The following BTD variants were observed in gnomAD, a reference collection of about 807,000 sequenced individuals.
BTD encodes biocytinase.
A neutral mutation model predicts 17.7 loss-of-function variants in BTD; 13 were observed. That is an observed-to-expected ratio of 0.74 (90% CI 0.48 to 1.17). The LOEUF (loss-of-function observed/expected upper bound fraction) is 1.17, where lower values mean the gene tolerates loss of function less well. Ranked by LOEUF, BTD falls within the 50% of genes most tolerant of loss-of-function variation. The pLI, the probability that BTD is intolerant of heterozygous loss-of-function variation, is 0.00. For synonymous variants in BTD, 240 were observed against 245.2 expected, an observed-to-expected ratio of 0.98 and a Z score of 0.20; for missense variants, 674 against 650.4, an observed-to-expected ratio of 1.04 and a Z score of -0.39.
chr3:15,611,492 TA>T lies in BTD; in HGVS notation c.-17+9599del, dbSNP rs769850998. ...CACACACATTGAGTAGCATTAGGAT[TA>T]TTTTTTCCTTTATAGTTAGAAAGAA... On this transcript the variant is annotated intron_variant, in intron 1 of 3. Transcript: ENST00000643237. 7.2e-5 allele frequency among the ~76,000 whole-genome samples: 11 copies of T among 152,234 alleles called. 1 individual carries two copies. The South Asian group carries it at 1.0e-3, about 14-fold the overall frequency.
intron 1 of BTD, chr3:15,602,223 G>A: frequency 7.5e-7 from 1 of 1,338,908 alleles, no homozygotes; most frequent in South Asian, 1.8e-5. Flanking sequence ...AGAGTCAGTA[G>A]ATCCAGACCG....
At chr3:15,663,639 C>T (rs1313985238) in intron 3 of BTD, among the ~76,000 whole-genome samples, 1 of 152,150 alleles carries the variant, frequency 6.6e-6, no homozygotes, top group Non-Finnish European at 1.5e-5. Flanking sequence ...ATCCTTTAAA[C>T]ATCTATGGGC....
chr3:15,633,339 G>T (rs549117308), intron 1 of BTD, among the ~76,000 whole-genome samples: 2 of 152,018 alleles, frequency 1.3e-5, no homozygotes, highest in African/African-American at 4.8e-5. Context: ...CATTAAGCTT[G>T]GTTCTTTCAA....
At chr3:15,618,024 T>C (rs2064840716) in intron 1 of BTD, among the ~76,000 whole-genome samples, 1 of 152,224 alleles carries the variant, frequency 6.6e-6, no homozygotes, top group African/African-American at 2.4e-5. Context: ...GGCGTGATCA[T>C]AGCTCACTAT....
chr3:15,661,265 CAAAAAAAAAAAAA>C (rs56165902), intron 3 of BTD, among the ~76,000 whole-genome samples: 15 of 93,762 alleles, frequency 1.6e-4, no homozygotes, highest in East Asian at 1.1e-3. Flanking sequence ...GACTCTGTCT[CAAAAAAAAAAAAA>C]AAAAAAAAAA....
At chr3:15,616,513 G>A (rs1355212708) in intron 1 of BTD, among the ~76,000 whole-genome samples, 2 of 152,070 alleles carry the variant, frequency 1.3e-5, no homozygotes, top group Non-Finnish European at 1.5e-5. Flanking sequence ...CTACTCGGGT[G>A]GCTGAGGCAG....
intron 1 of BTD, among the ~76,000 whole-genome samples, chr3:15,605,850 C>T (rs1478930242): frequency 1.3e-5 from 2 of 151,942 alleles, no homozygotes; most frequent in African/African-American, 4.8e-5. Flanking sequence ...TCGAGGCCAG[C>T]CTGGCCAATG....
At chr3:15,706,207 A>G (rs1226122845) in intron 3 of BTD, among the ~76,000 whole-genome samples, 2 of 152,034 alleles carry the variant, frequency 1.3e-5, no homozygotes, top group Admixed American at 6.6e-5. Flanking sequence ...CGTCACTTAC[A>G]TTAGGTATAC....
chr3:15,618,588 C>T (rs901277571), intron 1 of BTD, among the ~76,000 whole-genome samples: 13 of 151,956 alleles, frequency 8.6e-5, no homozygotes, highest in Admixed American at 3.3e-4. Flanking sequence ...TGCAGTGGTG[C>T]GATCTCGGCT....
chr3:15,702,157 C>T (rs1251545340), intron 3 of BTD, among the ~76,000 whole-genome samples: 1 of 152,146 alleles, frequency 6.6e-6, no homozygotes, highest in African/African-American at 2.4e-5. Flanking sequence ...AATGACTTTT[C>T]CCAAATCCTT....
intron 3 of BTD, chr3:15,678,463 T>C: frequency 9.8e-7 from 1 of 1,023,228 alleles, no homozygotes; most frequent in South Asian, 2.0e-5. Flanking sequence ...CATATTAGGC[T>C]ACAAAAGCAC....
chr3:15,716,478 G>A (rs763477287), downstream of BTD, among the ~76,000 whole-genome samples: 27 of 151,400 alleles, frequency 1.8e-4, no homozygotes, highest in Non-Finnish European at 1.5e-5. Flanking sequence ...TGTAGAGATG[G>A]TCTCTAAGTT....
intron 1 of BTD, among the ~76,000 whole-genome samples, chr3:15,631,821 AAG>A (rs1363542901): frequency 2.0e-5 from 3 of 152,302 alleles, no homozygotes; most frequent in Admixed American, 2.0e-4. Context: ...GAGTCACTGG[AAG>A]AGTTTCAGAG....
chr3:15,642,969 G>A lies in BTD; in HGVS notation c.399+912G>A, dbSNP rs369420543. ...CTTGAACCTGGGAGGCAGGAGTTGCGGTGAGAAAGATCGCGCCACTGCATT... is the reference window on the plus strand; with the variant it reads ...CTTGAACCTGGGAGGCAGGAGTTGCAGTGAGAAAGATCGCGCCACTGCATT... On this transcript the variant is annotated intron_variant, in intron 3 of 3. Transcript: ENST00000643237. Among the ~76,000 whole-genome samples the A allele has an allele frequency of 2.2e-4, 33 of 150,278 alleles. No homozygotes were observed. In the East Asian group the frequency reaches 6.1e-3, roughly 28 times the overall value.
Position 15,651,779 on chromosome 3 carries a change from G to A in BTD, c.*6291G>A, listed in dbSNP as rs1278411765. On this transcript the variant is annotated 3_prime_UTR_variant, in exon 4 of 4. Coordinates refer to ENST00000643237, the MANE Select transcript of BTD (RefSeq NM_001370658.1). Reference sequence around the variant, plus strand: ...GGTAGAGTATGCAGGGAAGATAAATGCAGCCCTGGCATGGTTCTTCCAGAA... The same window carrying A: ...GGTAGAGTATGCAGGGAAGATAAATACAGCCCTGGCATGGTTCTTCCAGAA... Among the ~76,000 whole-genome samples the A allele has an allele frequency of 6.6e-6, 1 of 152,192 alleles. No homozygotes were observed. Among genetic ancestry groups the A allele is most frequent in the Non-Finnish European group, 1.5e-5 (1 of 68,028 alleles).
chr3:15,720,702 T>C (rs866621934), intron 4 of BTD, among the ~76,000 whole-genome samples: 28 of 147,182 alleles, frequency 1.9e-4, no homozygotes, highest in Admixed American at 1.8e-3. Flanking sequence ...TGGAACCCCA[T>C]ATAAATGGAA....
In BTD at chr3:15,644,471, C is replaced by G. The variant is rs1423053708; in HGVS notation, c.555C>G (p.Thr185=). ...NTNVVFSNNG[T]LVDRYRKHNL... is the part of the protein sequence containing the mutation. Reference sequence around the variant, plus strand: ...ATGTCGTGTTCAGCAATAATGGAACCCTTGTTGACCGCTACCGTAAACACA... The same window carrying G: ...ATGTCGTGTTCAGCAATAATGGAACGCTTGTTGACCGCTACCGTAAACACA... Residue 185 remains threonine (T), a synonymous_variant, in exon 4 of 4, where the codon ACC becomes ACG. Coordinates refer to ENST00000643237, the MANE Select transcript of BTD (RefSeq NM_001370658.1). The G allele has an allele frequency of 6.2e-7, 1 of 1,613,982 alleles. No homozygotes were observed. The highest frequency in any genetic ancestry group is 1.3e-5 in the African/African-American group (1 of 74,876).
chr3:15,601,795 C>G lies in BTD; in HGVS notation c.-116C>G. 1 of 1,613,912 alleles carries G rather than the reference C, an allele frequency of 6.2e-7. No homozygotes were observed. On this transcript the variant is annotated 5_prime_UTR_variant, in exon 1 of 4. Transcript: ENST00000643237. ...GGTAAGAAGCCGAACTCTGAGGCCT[C>G]TCGCCATTGTCTCCGAGTCGGCCAG...
At position 15,635,499 on chromosome 3, in the gene BTD, G is replaced by C. The variant is rs1243398055; in HGVS notation, c.60G>C (p.Leu20=). 4 of 1,614,198 alleles carry C rather than the reference G, an allele frequency of 2.5e-6. No individual in the cohort carries two copies. The South Asian group carries it at 4.4e-5, about 18-fold the overall frequency. ...LFLCGCYVVA[L]GAHTGEESVA... The stretch of plus-strand genomic sequence containing the variant: ...TCTGCGGCTGTTACGTGGTTGCCCT[G>C]GGAGCCCACACCGGGGAGGAGAGCG... The change falls in exon 2 of 4, where the codon CTG becomes CTC. Residue 20 remains leucine (L), a synonymous_variant. Coordinates refer to ENST00000643237, the MANE Select transcript of BTD (RefSeq NM_001370658.1). The surrounding 1 kb of genome is among the most constrained non-coding windows in gnomAD (Gnocchi z 4.1).
Sources: gnomAD v4.1 joint callset for allele counts (sites outside exome capture counted in the v4.1 genomes callset) on GRCh38, gnomAD v4.1.1 for gene constraint, Gnocchi (gnomAD v3.1) non-coding constraint, MANE v1.5 for transcripts, NCBI Gene and HGNC (gene_info 2026-07-23, HGNC 2026-07-21) for gene names.